Variants in GABRA5 observed in about 807,000 individuals in gnomAD.
GABRA5 encodes gamma-aminobutyric acid receptor subunit alpha-5.
GABRA5 carries 18 observed loss-of-function variants against 47.3 expected under a neutral mutation model. The observed-to-expected ratio is 0.38, with a 90% CI of 0.26 to 0.56. The LOEUF (loss-of-function observed/expected upper bound fraction) is 0.56. Among genes scored for constraint, GABRA5 ranks in the 20% least tolerant of loss-of-function variants. The probability of loss-of-function intolerance (pLI) is 0.71; values close to 1 mark genes in which losing one functional copy is unlikely to be tolerated. For synonymous variants in GABRA5, 237 were observed against 229.3 expected (o/e 1.03, Z -0.30); for missense variants, 365 against 599.3 (o/e 0.61, Z 4.08).
At chr15:26,932,492 T>C (rs1296072066) in intron 7 of GABRA5, among the ~76,000 whole-genome samples, 2 of 152,088 alleles carry the variant, frequency 1.3e-5, no homozygotes, top group East Asian at 3.9e-4. Context: ...TGTGGAGAAA[T>C]AGGAATGAGT....
chr15:26,912,590 C>T (rs534917177), intron 6 of GABRA5, among the ~76,000 whole-genome samples: 1 of 152,140 alleles, frequency 6.6e-6, no homozygotes, highest in African/African-American at 2.4e-5. Context: ...TATAAAAGTC[C>T]AGCAACAGCT....
rs1056628737 is a variant in GABRA5 at position 26,883,005 on chromosome 15, C to G, written c.209-161C>G. 35 of 708,344 alleles carry G rather than the reference C, an allele frequency of 4.9e-5. No homozygotes were observed. Among genetic ancestry groups the G allele is most frequent in the African/African-American group, 3.1e-4 (18 of 57,336 alleles). The allele number at this position is 708,344 out of a possible 1,614,324, so 43.9% of individuals were successfully genotyped here. ...TTTCATGGTATAGCGGGGAGCAGCT[C>G]GATTTCATCTGGTAATTGTCAAGTC... On this transcript the variant is annotated intron_variant, in intron 4 of 10. Transcript: ENST00000335625. This position sits in a 1 kb window ranked among gnomAD's most constrained non-coding sequence, Gnocchi z 4.8.
At chr15:26,944,020 C>A (rs1347254015) in intron 10 of GABRA5, among the ~76,000 whole-genome samples, 1 of 152,162 alleles carries the variant, frequency 6.6e-6, no homozygotes. Context: ...CATTCGTGGA[C>A]GGTAAATAAA....
At chr15:26,934,166 C>T (rs1368104981) in intron 7 of GABRA5, among the ~76,000 whole-genome samples, 1 of 149,730 alleles carries the variant, frequency 6.7e-6, no homozygotes, top group African/African-American at 2.5e-5. Flanking sequence ...GTGGGAGAAT[C>T]GCTTGAACCC....
chr15:26,947,576 TG>T (rs762275368), intron 10 of GABRA5, among the ~76,000 whole-genome samples: 5 of 152,316 alleles, frequency 3.3e-5, no homozygotes, highest in Admixed American at 6.5e-5. Context: ...CATTCCATGG[TG>T]TATATGTACC....
Position 26,869,060 on chromosome 15 carries a change from G to C in GABRA5, c.-74-115G>C. 5.3e-6 allele frequency: 3 copies of C among 562,108 alleles called. No individual in the cohort carries two copies. The South Asian group carries it at 6.9e-5, about 13-fold the overall frequency. The allele number at this position is 562,108 out of a possible 1,614,324, so 34.8% of individuals were successfully genotyped here. On this transcript the variant is annotated intron_variant, in intron 2 of 10. Transcript: ENST00000335625. ...CCTGGTGTGCAGCTGTCCTGGGGAA[G>C]GACAGCGGGCTCCTTTCTTTGCAAA...
Position 26,883,577 on chromosome 15 carries a change from GGGC to G in GABRA5, c.497+23_497+25del. On this transcript the variant is annotated intron_variant, in intron 6 of 10. Transcript: ENST00000335625. This position sits in a 1 kb window ranked among gnomAD's most constrained non-coding sequence, Gnocchi z 4.8. The stretch of plus-strand genomic sequence containing the variant: ...CATGCGGTGAGCGCCGGGCGGGGGC[GGGC>G]GGGGCCGGGGGACGGTGCGGGGCAG... The G allele has an allele frequency of 6.7e-7, 1 of 1,497,058 alleles. No homozygotes were observed. The highest frequency in any genetic ancestry group is 9.1e-7 in the Non-Finnish European group (1 of 1,101,526). The allele number at this position is 1,497,058 out of a possible 1,614,324, so 92.7% of individuals were successfully genotyped here. A position where few individuals can be genotyped will look rare whatever the true frequency, so the allele number is the denominator to read the frequency against.
At position 26,934,248 on chromosome 15, in the gene GABRA5, T is replaced by TA. The variant is rs776194243; in HGVS notation, c.581-2918dup. Among the ~76,000 whole-genome samples the TA allele has an allele frequency of 3.2e-3, 365 of 112,904 alleles. 1 individual carries two copies. The highest frequency in any genetic ancestry group is 9.9e-3 in the Middle Eastern group (2 of 202). The allele number at this position is 112,904 out of a possible 152,430, so 74.1% of individuals were successfully genotyped here. On this transcript the variant is annotated intron_variant, in intron 7 of 10. Transcript: ENST00000335625. The stretch of plus-strand genomic sequence containing the variant: ...GCCTGGGTGATAGAAAGAGAATGTT[T>TA]AAAAAAAAAAAAAAAAAAAGAAAGA...
intron 7 of GABRA5, among the ~76,000 whole-genome samples, chr15:26,915,688 T>A (rs954502738): frequency 6.6e-6 from 1 of 152,236 alleles, no homozygotes; most frequent in African/African-American, 2.4e-5. Flanking sequence ...CTAGTTTCCA[T>A]CTTTCTTTCT....
At chr15:26,929,997 CTTCTTCTTCTT>C (rs945259688) in intron 7 of GABRA5, among the ~76,000 whole-genome samples, 1 of 124,938 alleles carries the variant, frequency 8.0e-6, no homozygotes, top group Non-Finnish European at 1.7e-5. Flanking sequence ...TCTTCTTCTT[CTTCTTCTTCTT>C]TTTTTTTTTT....
chr15:26,945,835 C>T (rs1383024392), intron 10 of GABRA5, among the ~76,000 whole-genome samples: 1 of 151,662 alleles, frequency 6.6e-6, no homozygotes, highest in Non-Finnish European at 1.5e-5. Context: ...CCCTGCTGCA[C>T]ATTCCTTCCC....
chr15:26,946,826 T>A (rs1325831065), intron 10 of GABRA5, among the ~76,000 whole-genome samples: 2 of 152,020 alleles, frequency 1.3e-5, no homozygotes, highest in African/African-American at 4.8e-5. Context: ...TACAAGAATG[T>A]TCATAGCTGC....
intron 7 of GABRA5, among the ~76,000 whole-genome samples, chr15:26,936,673 G>A (rs996735418): frequency 6.6e-6 from 1 of 152,234 alleles, no homozygotes; most frequent in Admixed American, 6.5e-5. Context: ...GGCGTGGACA[G>A]CAGGTGCCTG....
intron 7 of GABRA5, among the ~76,000 whole-genome samples, chr15:26,932,964 G>A (rs572972745): frequency 2.0e-5 from 3 of 152,090 alleles, no homozygotes; most frequent in Non-Finnish European, 4.4e-5. Flanking sequence ...TGCGGGGAGG[G>A]AGAGCATCAG....
chr15:26,927,022 A>G (rs1893976729), intron 7 of GABRA5, among the ~76,000 whole-genome samples: 1 of 152,172 alleles, frequency 6.6e-6, no homozygotes, highest in Non-Finnish European at 1.5e-5. Flanking sequence ...ATTATATATA[A>G]GAAGTAAAAC....
chr15:26,885,036 C>T (rs955860777), intron 6 of GABRA5, among the ~76,000 whole-genome samples: 3 of 152,132 alleles, frequency 2.0e-5, no homozygotes, highest in African/African-American at 7.2e-5. Context: ...GTGGCTCACG[C>T]CTGTAATCCC....
chr15:26,939,353 G>T (rs771906844), intron 8 of GABRA5: 1 of 765,282 alleles, frequency 1.3e-6, no homozygotes, highest in Non-Finnish European at 2.4e-6. Context: ...AAATGCCCCC[G>T]ATTTCAAAGA....
rs1365550701 is a variant in GABRA5, at chr15:26,883,458, C to A, written c.398C>A (p.Thr133Lys). 1 of 1,614,184 alleles carries A rather than the reference C, an allele frequency of 6.2e-7. No individual in the cohort carries two copies. Among genetic ancestry groups the A allele is most frequent in the Admixed American group, 1.7e-5 (1 of 60,036 alleles). ...LLASKIWTPD[T>K]FFHNGKKSIA... ...GCCAGCAAGATCTGGACCCCAGACA[C>A]GTTCTTCCACAACGGGAAGAAGTCC... The change falls in exon 6 of 11, where the codon ACG (threonine) becomes AAG (lysine). Residue 133 changes from threonine (T) to lysine (K), a missense_variant. Around this residue, in one of 3 missense-constraint regions of GABRA5, gnomAD observed 216 missense variants for 335.3 expected, o/e 0.64. Coordinates refer to ENST00000335625, the MANE Select transcript of GABRA5 (RefSeq NM_000810.4). The surrounding 1 kb of genome is among the most constrained non-coding windows in gnomAD (Gnocchi z 4.8).
intron 6 of GABRA5, among the ~76,000 whole-genome samples, chr15:26,905,585 C>G (rs907924048): frequency 6.6e-6 from 1 of 151,744 alleles, no homozygotes; most frequent in African/African-American, 2.4e-5. Flanking sequence ...TCTTCTTTTT[C>G]TCTTGTTCTG....
Sources: allele counts gnomAD v4.1 joint callset (sites outside exome capture counted in the v4.1 genomes callset), GRCh38; gene constraint gnomAD v4.1.1; regional missense constraint gnomAD v4.1.1; non-coding constraint Gnocchi (gnomAD v3.1); transcripts MANE v1.5; gene names NCBI Gene and HGNC (gene_info 2026-07-23, HGNC 2026-07-21).